REEP1: variants seen among roughly 807,000 people sequenced by gnomAD.
REEP1 encodes receptor expression-enhancing protein 1.
In REEP1, 22 loss-of-function variants were observed where a neutral mutation model predicts 40.3. The observed-to-expected ratio is 0.55, with a 90% CI of 0.39 to 0.78. REEP1 has a LOEUF of 0.78. Ranked by LOEUF, REEP1 falls within the 30% of genes least tolerant of loss-of-function variation. The pLI, the probability that REEP1 is intolerant of heterozygous loss-of-function variation, is 0.00. For missense variants in REEP1, 280 were observed against 361.1 expected (o/e 0.78, Z 1.82); for synonymous variants, 116 against 139.2 (o/e 0.83, Z 1.17).
At chr2:86,334,099 G>A (rs76582879) in intron 1 of REEP1, among the ~76,000 whole-genome samples, 2,058 of 152,308 alleles carry the variant, frequency 0.014, 44 homozygotes, top group South Asian at 0.043. Context: ...TCAGGTGCCA[G>A]ATACTTTGTG....
At chr2:86,294,754 G>C (rs1678894319) in intron 1 of REEP1, among the ~76,000 whole-genome samples, 1 of 152,140 alleles carries the variant, frequency 6.6e-6, no homozygotes, top group African/African-American at 2.4e-5. Flanking sequence ...TAGATAGATA[G>C]ATAGATAGAT....
intron 3 of REEP1, among the ~76,000 whole-genome samples, chr2:86,260,539 G>A (rs760699544): frequency 6.6e-6 from 1 of 152,170 alleles, no homozygotes; most frequent in Non-Finnish European, 1.5e-5. Flanking sequence ...TATTGGGGTA[G>A]GCCTAATCTA....
At position 86,282,167 on chromosome 2, in the gene REEP1, T is replaced by TAC; in HGVS notation, c.105+1_105+2dup. ...CCGCTCGAAAATACACAGTGCTACT[T>TAC]ACATATTCCTTAATGTCCTTTGATT... On this transcript the variant is annotated splice_region_variant and intron_variant, in intron 2 of 8. Transcript: ENST00000538924. 1 of 1,601,816 alleles carries TAC rather than the reference T, an allele frequency of 6.2e-7. No homozygotes were observed. Among genetic ancestry groups the TAC allele is most frequent in the Non-Finnish European group, 8.6e-7 (1 of 1,168,966 alleles).
chr2:86,229,598 C>CA (rs1460020013), intron 6 of REEP1, among the ~76,000 whole-genome samples: 1 of 114,442 alleles, frequency 8.7e-6, no homozygotes, highest in Non-Finnish European at 1.7e-5. Context: ...ACCTGTCTTC[C>CA]TTTTTTTTTT....
At chr2:86,326,611 C>T (rs1680517498) in intron 1 of REEP1, among the ~76,000 whole-genome samples, 1 of 152,084 alleles carries the variant, frequency 6.6e-6, no homozygotes. Flanking sequence ...ACTTAGGAGG[C>T]TGAGGGAGGA....
chr2:86,279,167 G>T (rs1410693069), intron 2 of REEP1, among the ~76,000 whole-genome samples: 5 of 152,194 alleles, frequency 3.3e-5, no homozygotes, highest in African/African-American at 1.2e-4. Flanking sequence ...AGAAAGACAA[G>T]CCTGAGTCTT....
At chr2:86,325,872 AG>A (rs1458165856) in intron 1 of REEP1, among the ~76,000 whole-genome samples, 1 of 152,240 alleles carries the variant, frequency 6.6e-6, no homozygotes, top group Admixed American at 6.5e-5. Flanking sequence ...ACAGTGGGAA[AG>A]GATGCTTGAC....
intron 1 of REEP1, among the ~76,000 whole-genome samples, chr2:86,307,567 C>G (rs998338645): frequency 6.6e-6 from 1 of 151,872 alleles, no homozygotes; most frequent in Non-Finnish European, 1.5e-5. Flanking sequence ...GTTTGAGACC[C>G]GCCTGGGCAA....
At chr2:86,330,295 A>C (rs1680705505) in intron 1 of REEP1, among the ~76,000 whole-genome samples, 2 of 152,080 alleles carry the variant, frequency 1.3e-5, no homozygotes, top group South Asian at 4.1e-4. Context: ...TTTAGTGAGG[A>C]GTGTAACCAC....
At chr2:86,318,599 T>G (rs1324595690) in intron 1 of REEP1, among the ~76,000 whole-genome samples, 1 of 152,112 alleles carries the variant, frequency 6.6e-6, no homozygotes, top group Non-Finnish European at 1.5e-5. Flanking sequence ...GGTTTCACCA[T>G]GTTAGCCAGG....
At chr2:86,285,291 T>G (rs1179641975) in intron 1 of REEP1, among the ~76,000 whole-genome samples, 2 of 152,248 alleles carry the variant, frequency 1.3e-5, no homozygotes, top group African/African-American at 4.8e-5. Context: ...CCACTAATCC[T>G]TTAAGACCCA....
intron 2 of REEP1, among the ~76,000 whole-genome samples, chr2:86,270,734 G>A (rs375062498): frequency 7.9e-5 from 12 of 152,116 alleles, no homozygotes; most frequent in African/African-American, 2.9e-4. Flanking sequence ...CTAAAGCCAT[G>A]CAGACTAAAG....
chr2:86,314,136 C>A (rs1415532308), intron 1 of REEP1, among the ~76,000 whole-genome samples: 2 of 152,192 alleles, frequency 1.3e-5, no homozygotes, highest in African/African-American at 2.4e-5. Context: ...TCTGCAAATT[C>A]TCCCGGGAGC....
intron 5 of REEP1, among the ~76,000 whole-genome samples, chr2:86,236,217 C>CA (rs397829762): frequency 0.14 from 18,890 of 138,550 alleles, 2,765 homozygotes; most frequent in African/African-American, 0.38. Flanking sequence ...AACTTCATCT[C>CA]AAAAAAAAAA....
At chr2:86,336,420 C>T (rs1237166689) in intron 1 of REEP1, among the ~76,000 whole-genome samples, 1 of 152,112 alleles carries the variant, frequency 6.6e-6, no homozygotes, top group East Asian at 1.9e-4. Flanking sequence ...TGATGGTGCA[C>T]AATCACTGGG....
intron 7 of REEP1, among the ~76,000 whole-genome samples, chr2:86,224,068 G>GC (rs1376567368): frequency 6.6e-6 from 1 of 152,172 alleles, no homozygotes; most frequent in Non-Finnish European, 1.5e-5. Context: ...AGAGGCTGCT[G>GC]CCCCTGGGGC....
At chr2:86,283,467 C>T (rs1432740962) in intron 1 of REEP1, among the ~76,000 whole-genome samples, 1 of 152,062 alleles carries the variant, frequency 6.6e-6, no homozygotes, top group East Asian at 1.9e-4. Flanking sequence ...AAAGAGCCAG[C>T]CTAGTTACAG....
chr2:86,318,144 A>G (rs1680109291), intron 1 of REEP1, among the ~76,000 whole-genome samples: 1 of 152,236 alleles, frequency 6.6e-6, no homozygotes, highest in African/African-American at 2.4e-5. Context: ...ATATTATACA[A>G]TAAAATGTGT....
chr2:86,272,970 A>G (rs1046772900), intron 2 of REEP1, among the ~76,000 whole-genome samples: 2 of 152,124 alleles, frequency 1.3e-5, no homozygotes, highest in Non-Finnish European at 2.9e-5. Flanking sequence ...AAAAAAACAC[A>G]AAAATTAGCT....
Sources: gnomAD v4.1 joint callset for allele counts (sites outside exome capture counted in the v4.1 genomes callset) on GRCh38, gnomAD v4.1.1 for gene constraint, MANE v1.5 for transcripts, NCBI Gene and HGNC (gene_info 2026-07-23, HGNC 2026-07-21) for gene names.